Variants in MTMR14 observed in about 807,000 individuals in gnomAD.
MTMR14 encodes myotubularin related protein 14.
MTMR14 carries 48 observed loss-of-function variants against 86.3 expected under a neutral mutation model. That is an observed-to-expected ratio of 0.56 (90% CI 0.44 to 0.71). The LOEUF (loss-of-function observed/expected upper bound fraction) is 0.71. Ranked by LOEUF, MTMR14 falls within the 30% of genes least tolerant of loss-of-function variation. The pLI, the probability that MTMR14 is intolerant of heterozygous loss-of-function variation, is 0.00. For missense variants in MTMR14, 780 were observed against 834.6 expected, an observed-to-expected ratio of 0.93 and a Z score of 0.81; for synonymous variants, 366 against 326.1, an observed-to-expected ratio of 1.12 and a Z score of -1.32.
At chr3:9,655,131 C>T (rs1024921047) in intron 2 of MTMR14, among the ~76,000 whole-genome samples, 1 of 152,064 alleles carries the variant, frequency 6.6e-6, no homozygotes, top group Non-Finnish European at 1.5e-5. Flanking sequence ...TAATCCCAGC[C>T]TCCTTTGGGT....
chr3:9,676,126 T>A (rs2075564623), intron 7 of MTMR14, among the ~76,000 whole-genome samples: 1 of 152,238 alleles, frequency 6.6e-6, no homozygotes, highest in South Asian at 2.1e-4. Context: ...GAATCTTCTT[T>A]GTGGCTACTT....
At chr3:9,668,004 A>T (rs1442680722) in intron 3 of MTMR14, among the ~76,000 whole-genome samples, 3 of 152,284 alleles carry the variant, frequency 2.0e-5, no homozygotes, top group Admixed American at 2.0e-4. Flanking sequence ...TCCCATCACC[A>T]GGTATCTCCT....
At chr3:9,667,252 C>T (rs2048306583) in intron 3 of MTMR14, among the ~76,000 whole-genome samples, 1 of 152,194 alleles carries the variant, frequency 6.6e-6, no homozygotes. Flanking sequence ...GGCAGCCACA[C>T]ACCCTGCCAA....
chr3:9,657,299 G>A (rs560654050), intron 2 of MTMR14, among the ~76,000 whole-genome samples: 6 of 152,232 alleles, frequency 3.9e-5, no homozygotes, highest in South Asian at 2.1e-4. Context: ...GTGGGCCTGC[G>A]ATTTGGCATA....
In MTMR14 at chr3:9,685,314, C is replaced by CTT. The variant is rs1052591384; in HGVS notation, c.1164+68_1164+69insTT. 3.1e-6 allele frequency: 5 copies of CTT among 1,589,452 alleles called. No homozygotes were observed. In the African/African-American group the frequency reaches 6.7e-5, roughly 21 times the overall value. On this transcript the variant is annotated intron_variant, in intron 13 of 18. Coordinates refer to ENST00000296003, the MANE Select transcript of MTMR14 (RefSeq NM_001077525.3). ...GAAAGAGGGGCAGTGGGTAGCCTGTCTGAGTTCCACGTGTTAGGGGCAGCT... is the reference window on the plus strand; with the variant it reads ...GAAAGAGGGGCAGTGGGTAGCCTGTCTTTGAGTTCCACGTGTTAGGGGCAGCT...
intron 16 of MTMR14, among the ~76,000 whole-genome samples, chr3:9,689,701 TG>T (rs2076077529): frequency 6.6e-6 from 1 of 152,076 alleles, no homozygotes. Context: ...CATATGGAGG[TG>T]GGCAGTGACT....
chr3:9,689,921 C>T (rs2076085059), intron 16 of MTMR14, 43 bp from the exon 17 acceptor site: 5 of 1,577,910 alleles, frequency 3.2e-6, no homozygotes, highest in Non-Finnish European at 4.3e-6. Flanking sequence ...AGGGCTTTGC[C>T]TGCAGTGGCC....
In MTMR14 at chr3:9,674,145, C is replaced by T. The variant is rs11924869; in HGVS notation, c.751+1387C>T. Among the ~76,000 whole-genome samples the T allele has an allele frequency of 1.6e-3, 251 of 152,234 alleles. 1 individual carries two copies. The highest frequency in any genetic ancestry group is 5.9e-3 in the African/African-American group (246 of 41,520). ...GACTGAACTCTGCAGGTTTGCACTGCCTGAGGAACCAGGCATCACTTCGTT... is the reference window on the plus strand; with the variant it reads ...GACTGAACTCTGCAGGTTTGCACTGTCTGAGGAACCAGGCATCACTTCGTT... On this transcript the variant is annotated intron_variant, in intron 7 of 18. Coordinates refer to ENST00000296003, the MANE Select transcript of MTMR14 (RefSeq NM_001077525.3).
intron 4 of MTMR14, among the ~76,000 whole-genome samples, chr3:9,669,182 ATAGG>A (rs1285162725): frequency 1.3e-5 from 2 of 151,668 alleles, no homozygotes; most frequent in Non-Finnish European, 1.5e-5. Flanking sequence ...CCACAATAGT[ATAGG>A]TAGGGGGTCT....
chr3:9,673,688 G>GC (rs1489521205), intron 7 of MTMR14, among the ~76,000 whole-genome samples: 8 of 152,114 alleles, frequency 5.3e-5, no homozygotes, highest in African/African-American at 1.9e-4. Flanking sequence ...TCATGTGCAA[G>GC]CTGGGGGCAG....
intron 15 of MTMR14, 92 bp downstream of exon 15, chr3:9,688,846 T>TG: frequency 1.1e-6 from 1 of 892,306 alleles, no homozygotes; most frequent in African/African-American, 1.7e-5. Flanking sequence ...AGGTTTTTTG[T>TG]TTTTTTTTTT....
Position 9,677,839 on chromosome 3 carries a change from G to T in MTMR14, c.823-145G>T. 2 of 664,290 alleles carry T rather than the reference G, an allele frequency of 3.0e-6. No homozygotes were observed. Among genetic ancestry groups the T allele is most frequent in the Non-Finnish European group, 5.3e-6 (2 of 380,678 alleles). 41.1% of individuals were successfully genotyped at this position (664,290 alleles called of 1,614,324 possible). A position where few individuals can be genotyped will look rare whatever the true frequency, so the allele number is the denominator to read the frequency against. ...ATCTGGTCACATTGATTTTTAAGCT[G>T]TCACTCCCAGGTAGCACAGGTATCT... On this transcript the variant is annotated intron_variant, in intron 8 of 18. Coordinates refer to ENST00000296003, the MANE Select transcript of MTMR14 (RefSeq NM_001077525.3). The surrounding 1 kb of genome is among the most constrained non-coding windows in gnomAD (Gnocchi z 4.2).
At chr3:9,660,560 C>A (rs1301490399) in intron 2 of MTMR14, among the ~76,000 whole-genome samples, 2 of 151,928 alleles carry the variant, frequency 1.3e-5, no homozygotes, top group Non-Finnish European at 2.9e-5. Context: ...CACGCCTGGC[C>A]CCTAGATATA....
In MTMR14 at chr3:9,649,705, A is replaced by G; in HGVS notation, c.122A>G (p.Tyr41Cys). 2 of 1,612,980 alleles carry G rather than the reference A, an allele frequency of 1.2e-6. No individual in the cohort carries two copies. The highest frequency in any genetic ancestry group is 1.7e-6 in the Non-Finnish European group (2 of 1,179,660). The change falls in exon 1 of 19, where the codon TAC becomes TGC. Residue 41 changes from tyrosine to cysteine, a missense_variant. Tyr to Cys is a radical substitution (Grantham distance 194). Transcript: ENST00000296003. ...CTGGAGGAGTTCTCCCGGACTCAGT[A>G]CCGGGCCAAGGATGGCAGCGGGACC... Reference protein sequence around the residue: ...ELLEEFSRTQYRAKDGSGTGG... With the variant: ...ELLEEFSRTQCRAKDGSGTGG...
rs191176505 is a variant in MTMR14, at chr3:9,668,613, G to A, written c.418-106G>A. The A allele has an allele frequency of 8.5e-6, 10 of 1,179,126 alleles. No homozygotes were observed. The East Asian group carries it at 1.9e-4, about 22-fold the overall frequency. The allele number at this position is 1,179,126 out of a possible 1,614,324, so 73.0% of individuals were successfully genotyped here. A position where few individuals can be genotyped will look rare whatever the true frequency, so the allele number is the denominator to read the frequency against. ...TGATAAAACTTTGGGGAGTGCTCCT[G>A]GGCCCGTTATGCTGGCCTGGAAGAG... On this transcript the variant is annotated intron_variant, in intron 3 of 18. Coordinates refer to ENST00000296003, the MANE Select transcript of MTMR14 (RefSeq NM_001077525.3).
chr3:9,664,197 A>G (rs1187935098), intron 3 of MTMR14, among the ~76,000 whole-genome samples: 2 of 151,278 alleles, frequency 1.3e-5, no homozygotes, highest in African/African-American at 4.9e-5. Context: ...GTTTAAGGAC[A>G]TGCTTGCGAA....
At chr3:9,657,635 C>A (rs767518003) in intron 2 of MTMR14, among the ~76,000 whole-genome samples, 2 of 151,898 alleles carry the variant, frequency 1.3e-5, no homozygotes, top group Non-Finnish European at 2.9e-5. Flanking sequence ...ACTGCAACCT[C>A]TGCCGCTCAG....
At chr3:9,659,560 C>T (rs2047801481) in intron 2 of MTMR14, 1 of 369,502 alleles carries the variant, frequency 2.7e-6, no homozygotes, top group South Asian at 2.0e-5. Context: ...TCTCCTGCCT[C>T]AGCCTCCCGA....
intron 17 of MTMR14, among the ~76,000 whole-genome samples, chr3:9,691,999 A>G (rs1559614574): frequency 6.6e-6 from 1 of 152,162 alleles, no homozygotes; most frequent in Admixed American, 6.5e-5. Context: ...GAAAGTCTAG[A>G]TTACTCAGAT....
Sources: allele counts gnomAD v4.1 joint callset (sites outside exome capture counted in the v4.1 genomes callset), GRCh38; gene constraint gnomAD v4.1.1; non-coding constraint Gnocchi (gnomAD v3.1); transcripts MANE v1.5; gene names NCBI Gene and HGNC (gene_info 2026-07-23, HGNC 2026-07-21).